NTN4: variants seen among roughly 807,000 people sequenced by gnomAD.
The protein encoded by NTN4 is netrin-4.
In NTN4, 32 loss-of-function variants were observed where a neutral mutation model predicts 73.6. The observed-to-expected ratio is 0.44, with a 90% CI of 0.33 to 0.58. NTN4 has a LOEUF of 0.58. Among genes scored for constraint, NTN4 ranks in the 20% least tolerant of loss-of-function variants. NTN4 has a pLI of 0.04. For missense variants in NTN4, 654 were observed against 798.3 expected, an observed-to-expected ratio of 0.82 and a Z score of 2.18; for synonymous variants, 258 against 287.5, an observed-to-expected ratio of 0.90 and a Z score of 1.04.
At chr12:95,709,466 A>C (rs1425122717) in intron 5 of NTN4, among the ~76,000 whole-genome samples, 6 of 151,828 alleles carry the variant, frequency 4.0e-5, no homozygotes, top group Admixed American at 2.6e-4. Flanking sequence ...GATCTTTTCA[A>C]ATTCTATTCT....
At chr12:95,776,922 T>A (rs2079097457) in intron 2 of NTN4, among the ~76,000 whole-genome samples, 1 of 152,040 alleles carries the variant, frequency 6.6e-6, no homozygotes, top group Admixed American at 6.5e-5. Flanking sequence ...AAAGGTCAGG[T>A]TACCCACAAA....
At chr12:95,697,745 G>C (rs1413071022) in intron 5 of NTN4, among the ~76,000 whole-genome samples, 1 of 151,586 alleles carries the variant, frequency 6.6e-6, no homozygotes, top group Admixed American at 6.6e-5. Flanking sequence ...CTGGGTCACG[G>C]TGTGTAATAC....
At chr12:95,741,427 TTATATATATATATATA>T (rs1174318245) in intron 2 of NTN4, among the ~76,000 whole-genome samples, 28 of 51,042 alleles carry the variant, frequency 5.5e-4, no homozygotes, top group Middle Eastern at 0.014. Context: ...TATGTATAAA[TTATATATATATATATA>T]TATATATATA....
chr12:95,713,625 C>A (rs188597651), intron 3 of NTN4, among the ~76,000 whole-genome samples: 1 of 152,214 alleles, frequency 6.6e-6, no homozygotes, highest in East Asian at 1.9e-4. Flanking sequence ...AAAGTACTGG[C>A]TAAGTTTTTA....
intron 5 of NTN4, among the ~76,000 whole-genome samples, chr12:95,694,128 G>A (rs1010792045): frequency 3.9e-5 from 6 of 152,074 alleles, no homozygotes; most frequent in Non-Finnish European, 8.8e-5. Flanking sequence ...GCATCTTACC[G>A]CTCTGAAACT....
chr12:95,668,890 C>A (rs1249766854), intron 8 of NTN4, among the ~76,000 whole-genome samples: 2 of 152,166 alleles, frequency 1.3e-5, no homozygotes, highest in South Asian at 2.1e-4. Context: ...CTTTGGGAGG[C>A]CGAGGCAGGC....
intron 3 of NTN4, among the ~76,000 whole-genome samples, chr12:95,729,032 C>G (rs894356387): frequency 6.6e-6 from 1 of 152,156 alleles, no homozygotes; most frequent in African/African-American, 2.4e-5. Flanking sequence ...TGCCATGCTT[C>G]CTGTACAGCC....
At chr12:95,764,596 C>T (rs1385800826) in intron 2 of NTN4, among the ~76,000 whole-genome samples, 1 of 149,520 alleles carries the variant, frequency 6.7e-6, no homozygotes, top group Admixed American at 6.7e-5. Flanking sequence ...ACCCAGGAGG[C>T]GGAGGTTGCA....
At chr12:95,669,710 AC>A (rs756566289) in intron 8 of NTN4, among the ~76,000 whole-genome samples, 95 of 152,362 alleles carry the variant, frequency 6.2e-4, no homozygotes, top group Middle Eastern at 6.8e-3. Context: ...TTACTGTACG[AC>A]AAACGAACAC....
chr12:95,727,969 A>T (rs960835103), intron 3 of NTN4, among the ~76,000 whole-genome samples: 1 of 151,364 alleles, frequency 6.6e-6, no homozygotes, highest in African/African-American at 2.4e-5. Flanking sequence ...GTATTCTTTA[A>T]TTTTTTTTTA....
chr12:95,660,916 A>T (rs1298650996), intron 9 of NTN4, among the ~76,000 whole-genome samples: 1 of 152,212 alleles, frequency 6.6e-6, no homozygotes, highest in African/African-American at 2.4e-5. Flanking sequence ...GGCTTATTCC[A>T]GGTTCAGGGC....
At chr12:95,695,987 C>T (rs561841389) in intron 5 of NTN4, among the ~76,000 whole-genome samples, 1 of 146,878 alleles carries the variant, frequency 6.8e-6, no homozygotes, top group East Asian at 2.2e-4. Context: ...CCTTTCCTTC[C>T]CCTTCCCCTT....
At chr12:95,739,099 C>T (rs1172645020) in intron 2 of NTN4, among the ~76,000 whole-genome samples, 1 of 152,258 alleles carries the variant, frequency 6.6e-6, no homozygotes, top group Non-Finnish European at 1.5e-5. Context: ...TTCATGTAGG[C>T]GGTCACGTAT....
At position 95,789,251 on chromosome 12, in the gene NTN4, C is replaced by T. The variant is rs114042501; in HGVS notation, c.55+1004G>A. ...CTGGATTTTGCTGGGTGCCAGCGGC[C>T]CTCAGGGAAGAGTGGAAGCCCAAGG... On this transcript the variant is annotated intron_variant, in intron 1 of 9. Coordinates refer to ENST00000343702, the MANE Select transcript of NTN4 (RefSeq NM_021229.4). This position sits in a 1 kb window ranked among gnomAD's most constrained non-coding sequence, Gnocchi z 4.0. Among the ~76,000 whole-genome samples the T allele has an allele frequency of 9.2e-5, 14 of 152,262 alleles. No homozygotes were observed. Among genetic ancestry groups the T allele is most frequent in the African/African-American group, 3.4e-4 (14 of 41,550 alleles).
At chr12:95,749,129 C>T (rs533265060) in intron 2 of NTN4, among the ~76,000 whole-genome samples, 9 of 152,192 alleles carry the variant, frequency 5.9e-5, no homozygotes, top group African/African-American at 2.2e-4. Flanking sequence ...CTGTAATTTT[C>T]CATTACCTTC....
chr12:95,770,996 T>TGTTTTTCTTTTTTTTTTTC (rs72185913), intron 2 of NTN4, among the ~76,000 whole-genome samples: 4 of 41,974 alleles, frequency 9.5e-5, no homozygotes, highest in Non-Finnish European at 2.5e-4. Flanking sequence ...GAATTTGTTT[T>TGTTTTTCTTTTTTTTTTTC]TTTTTTTTTT....
chr12:95,737,272 G>A (rs2078785081), intron 3 of NTN4, among the ~76,000 whole-genome samples: 1 of 152,154 alleles, frequency 6.6e-6, no homozygotes, highest in African/African-American at 2.4e-5. Context: ...TGGTCCTGAG[G>A]ATACAAAGAT....
intron 2 of NTN4, among the ~76,000 whole-genome samples, chr12:95,775,330 G>T (rs2079083725): frequency 1.3e-5 from 2 of 152,176 alleles, no homozygotes. Flanking sequence ...GTTGGACAGT[G>T]GGTGCAGGAC....
intron 2 of NTN4, among the ~76,000 whole-genome samples, chr12:95,780,269 G>A (rs2079122756): frequency 6.6e-6 from 1 of 152,140 alleles, no homozygotes; most frequent in African/African-American, 2.4e-5. Context: ...AACACCAAAA[G>A]CAATGGCAAC....
Sources: gnomAD v4.1 joint callset for allele counts (sites outside exome capture counted in the v4.1 genomes callset) on GRCh38, gnomAD v4.1.1 for gene constraint, Gnocchi (gnomAD v3.1) non-coding constraint, MANE v1.5 for transcripts, NCBI Gene and HGNC (gene_info 2026-07-23, HGNC 2026-07-21) for gene names.